GRIK2: variants seen among roughly 807,000 people sequenced by gnomAD.
The protein encoded by GRIK2 is glutamate ionotropic receptor kainate type subunit 2.
In GRIK2, 32 loss-of-function variants were observed where a neutral mutation model predicts 100.3. The ratio of observed to expected loss-of-function variants is 0.32; its 90% CI spans 0.24 to 0.43. The LOEUF is 0.43. GRIK2 is among the 20% of genes least tolerant of loss of function. GRIK2 has a pLI of 1.00. For missense variants in GRIK2, 843 were observed against 1,114.9 expected (o/e 0.76, Z 3.47); for synonymous variants, 417 against 389.4 (o/e 1.07, Z -0.83).
chr6:101,973,683 G>A (rs551272628), intron 14 of GRIK2, among the ~76,000 whole-genome samples: 1 of 151,890 alleles, frequency 6.6e-6, no homozygotes, highest in Non-Finnish European at 1.5e-5. Context: ...ATATTGTCAA[G>A]TATTGGGGGG....
intron 4 of GRIK2, among the ~76,000 whole-genome samples, chr6:101,665,281 G>A (rs1413999548): frequency 6.6e-6 from 1 of 151,996 alleles, no homozygotes; most frequent in Non-Finnish European, 1.5e-5. Context: ...TGAAACTTCT[G>A]GTTATATCTA....
At chr6:101,984,291 C>T (rs1793888812) in intron 14 of GRIK2, among the ~76,000 whole-genome samples, 1 of 151,444 alleles carries the variant, frequency 6.6e-6, no homozygotes, top group Admixed American at 6.6e-5. Flanking sequence ...GTTTAACATC[C>T]CCAGTAGAAA....
chr6:101,647,016 T>C (rs1202897781), intron 4 of GRIK2, among the ~76,000 whole-genome samples: 1 of 151,974 alleles, frequency 6.6e-6, no homozygotes, highest in Non-Finnish European at 1.5e-5. Context: ...CATTTCTCGT[T>C]TTTCTGTTTT....
rs147424147 is a variant in GRIK2 at position 101,411,412 on chromosome 6, T to G, written c.115+12020T>G. On this transcript the variant is annotated intron_variant, in intron 2 of 16. Coordinates refer to ENST00000369134, the MANE Select transcript of GRIK2 (RefSeq NM_021956.5). ...GTCCCCAAACCTAGAAATTCTATAGTTTAATATGTTACTAGATTTAGTTAG... is the reference window on the plus strand; with the variant it reads ...GTCCCCAAACCTAGAAATTCTATAGGTTAATATGTTACTAGATTTAGTTAG... Among the ~76,000 whole-genome samples the G allele has an allele frequency of 3.4e-3, 513 of 152,210 alleles. 3 individuals are homozygous for G. The highest frequency in any genetic ancestry group is 0.012 in the African/African-American group (496 of 41,562).
chr6:102,041,743 C>T (rs908830012), intron 15 of GRIK2, among the ~76,000 whole-genome samples: 1 of 150,864 alleles, frequency 6.6e-6, no homozygotes, highest in African/African-American at 2.4e-5. Context: ...GAATAGGTAG[C>T]ATAAAGAATT....
At chr6:101,466,417 A>T (rs1771647786) in intron 2 of GRIK2, among the ~76,000 whole-genome samples, 1 of 151,936 alleles carries the variant, frequency 6.6e-6, no homozygotes, top group Non-Finnish European at 1.5e-5. Flanking sequence ...AATGAGCTGA[A>T]CAGCCTTACG....
Position 101,803,659 on chromosome 6 carries a change from CTTTATTTA to C in GRIK2, c.1203+1231_1203+1238del, listed in dbSNP as rs940003627. ...TTACTGTTTACTGGAGATGTTATTA[CTTTATTTA>C]TTTATTTATGAAATATCGAAATCAC... On this transcript the variant is annotated intron_variant, in intron 9 of 16. Coordinates refer to ENST00000369134, the MANE Select transcript of GRIK2 (RefSeq NM_021956.5). 3.3e-5 allele frequency among the ~76,000 whole-genome samples: 5 copies of C among 151,898 alleles called. No homozygotes were observed. The East Asian group carries it at 9.7e-4, about 29-fold the overall frequency.
intron 2 of GRIK2, among the ~76,000 whole-genome samples, chr6:101,451,903 G>T (rs1770714773): frequency 6.6e-6 from 1 of 151,462 alleles, no homozygotes; most frequent in Admixed American, 6.6e-5. Flanking sequence ...CAACGTTAAG[G>T]TATATTCACA....
At chr6:101,758,513 C>A (rs1198061420) in intron 7 of GRIK2, among the ~76,000 whole-genome samples, 1 of 152,112 alleles carries the variant, frequency 6.6e-6, no homozygotes, top group Non-Finnish European at 1.5e-5. Flanking sequence ...GGAAGATACT[C>A]CAATGTTGAA....
chr6:101,849,958 T>G (rs927438912), intron 10 of GRIK2, among the ~76,000 whole-genome samples: 4 of 151,454 alleles, frequency 2.6e-5, no homozygotes, highest in African/African-American at 9.7e-5. Context: ...CTTTACAAGT[T>G]TTTTAGTCAT....
At chr6:101,756,046 T>C (rs1395080883) in intron 7 of GRIK2, among the ~76,000 whole-genome samples, 1 of 152,140 alleles carries the variant, frequency 6.6e-6, no homozygotes, top group Non-Finnish European at 1.5e-5. Flanking sequence ...TTATAGGTGG[T>C]ATAAAACTCC....
chr6:101,593,856 A>G (rs2128307600), intron 2 of GRIK2, among the ~76,000 whole-genome samples: 1 of 151,990 alleles, frequency 6.6e-6, no homozygotes, highest in Non-Finnish European at 1.5e-5. Context: ...TGCTATTGGA[A>G]AATTTTACAG....
chr6:101,552,859 A>T (rs1214156852), intron 2 of GRIK2, among the ~76,000 whole-genome samples: 1 of 152,198 alleles, frequency 6.6e-6, no homozygotes, highest in African/African-American at 2.4e-5. Context: ...TTTAAAGATG[A>T]TCAATAGGAA....
intron 7 of GRIK2, among the ~76,000 whole-genome samples, chr6:101,777,579 A>T (rs940193447): frequency 2.6e-5 from 4 of 152,258 alleles, no homozygotes; most frequent in African/African-American, 9.6e-5. Context: ...AAATGAGGAA[A>T]CAAGGCAATA....
At chr6:101,893,860 A>G (rs1053367821) in intron 12 of GRIK2, among the ~76,000 whole-genome samples, 2 of 151,800 alleles carry the variant, frequency 1.3e-5, no homozygotes, top group African/African-American at 4.8e-5. Flanking sequence ...CAATCAGTGC[A>G]TATATCTGGC....
chr6:101,680,939 A>C (rs1055699180), intron 5 of GRIK2, among the ~76,000 whole-genome samples: 1 of 152,148 alleles, frequency 6.6e-6, no homozygotes, highest in Non-Finnish European at 1.5e-5. Flanking sequence ...TCCTGTGCTC[A>C]ATTCTTTGAT....
chr6:101,988,306 GT>G (rs2128491472), intron 14 of GRIK2, among the ~76,000 whole-genome samples: 1 of 151,858 alleles, frequency 6.6e-6, no homozygotes, highest in African/African-American at 2.4e-5. Context: ...TGAAAAACTG[GT>G]TTTTGAAATG....
chr6:101,792,315 C>T (rs1042549362), intron 7 of GRIK2, among the ~76,000 whole-genome samples: 5 of 151,738 alleles, frequency 3.3e-5, no homozygotes, highest in African/African-American at 9.7e-5. Flanking sequence ...ATGGTCTTTA[C>T]GTTTTGGCAT....
At chr6:101,872,623 C>A (rs1390678663) in intron 11 of GRIK2, among the ~76,000 whole-genome samples, 1 of 151,768 alleles carries the variant, frequency 6.6e-6, no homozygotes, top group African/African-American at 2.4e-5. Context: ...ATTCTTTCAC[C>A]TCTTTGTAGG....
Sources: gnomAD v4.1 joint callset for allele counts (sites outside exome capture counted in the v4.1 genomes callset) on GRCh38, gnomAD v4.1.1 for gene constraint, MANE v1.5 for transcripts, NCBI Gene and HGNC (gene_info 2026-07-23, HGNC 2026-07-21) for gene names.